Variants in ERC2 observed in about 807,000 individuals in gnomAD.
ERC2 encodes the protein ERC protein 2.
A neutral mutation model predicts 114.8 loss-of-function variants in ERC2; 42 were observed. The observed-to-expected ratio is 0.37, with a 90% CI of 0.29 to 0.47. ERC2 has a LOEUF of 0.47. Ranked by LOEUF, ERC2 falls within the 20% of genes least tolerant of loss-of-function variation. The pLI is 0.99. For synonymous variants in ERC2, 454 were observed against 425.5 expected (o/e 1.07, Z -0.82); for missense variants, 939 against 1,150.7 (o/e 0.82, Z 2.66).
At chr3:56,126,141 G>A (rs2079851307) in intron 6 of ERC2, among the ~76,000 whole-genome samples, 1 of 151,950 alleles carries the variant, frequency 6.6e-6, no homozygotes, top group African/African-American at 2.4e-5. Context: ...AAATATTTTA[G>A]TATAATCTTT....
chr3:56,006,353 TGTGTGCTATGAATTATACATA>T (rs1487457500), intron 10 of ERC2, among the ~76,000 whole-genome samples: 2 of 152,062 alleles, frequency 1.3e-5, no homozygotes, highest in African/African-American at 4.8e-5. Context: ...CCCATCCCGG[TGTGTGCTATGAATTATACATA>T]GTCAAATTGT....
rs112168176 is a variant in ERC2, at chr3:56,371,298, A to C, written c.657+63053T>G. Among the ~76,000 whole-genome samples, 664 of 152,310 alleles carry C rather than the reference A, an allele frequency of 4.4e-3. 4 individuals are homozygous for C. The highest frequency in any genetic ancestry group is 0.015 in the African/African-American group (618 of 41,560). ...TTCTCTATTCTGTGCCCCTACTTCC[A>C]ACTCAGGGCCTAGAAAAGGAAGCCA... is the stretch of plus-strand genomic sequence containing the variant. On this transcript the variant is annotated intron_variant, in intron 2 of 17. Transcript: ENST00000288221.
intron 7 of ERC2, among the ~76,000 whole-genome samples, chr3:56,067,351 G>A (rs2076528904): frequency 6.6e-6 from 1 of 152,054 alleles, no homozygotes; most frequent in African/African-American, 2.4e-5. Flanking sequence ...CTCTCTGCTT[G>A]TCTATTGTTG....
intron 2 of ERC2, among the ~76,000 whole-genome samples, chr3:56,318,985 TAAC>T (rs1286667806): frequency 1.5e-5 from 2 of 135,056 alleles, no homozygotes; most frequent in Admixed American, 7.3e-5. Context: ...AAAAAAAAGA[TAAC>T]AAGTCTTGGT....
chr3:55,778,492 G>C (rs930313687), intron 14 of ERC2, among the ~76,000 whole-genome samples: 1 of 152,076 alleles, frequency 6.6e-6, no homozygotes, highest in Non-Finnish European at 1.5e-5. Context: ...CTTTTCAAAA[G>C]ACAGGAAATC....
chr3:56,020,720 C>T (rs1269515099), intron 7 of ERC2, among the ~76,000 whole-genome samples: 1 of 152,170 alleles, frequency 6.6e-6, no homozygotes, highest in Non-Finnish European at 1.5e-5. Context: ...GTTCTGAATA[C>T]ACTGATTAGA....
chr3:55,625,757 A>G (rs2059498480), intron 17 of ERC2, among the ~76,000 whole-genome samples: 1 of 152,000 alleles, frequency 6.6e-6, no homozygotes, highest in African/African-American at 2.4e-5. Context: ...TCTCAAAAAG[A>G]AAAAAAAGAA....
chr3:56,296,483 T>A (rs764026007), intron 2 of ERC2, 48 bp from the exon 3 acceptor site: 4 of 1,543,160 alleles, frequency 2.6e-6, no homozygotes, highest in Non-Finnish European at 3.5e-6. Flanking sequence ...GGAAAAAAAG[T>A]CAATGAAAAT....
intron 4 of ERC2, among the ~76,000 whole-genome samples, chr3:56,158,169 T>C (rs2081841693): frequency 6.6e-6 from 1 of 152,158 alleles, no homozygotes; most frequent in Non-Finnish European, 1.5e-5. Flanking sequence ...GCAGAATTTT[T>C]AAAGTAGGAC....
chr3:55,910,410 C>CAAAA (rs111948062), intron 13 of ERC2, among the ~76,000 whole-genome samples: 1 of 150,230 alleles, frequency 6.7e-6, no homozygotes, highest in African/African-American at 2.4e-5. Context: ...AACAAAAAAA[C>CAAAA]AAAAAAAACA....
intron 2 of ERC2, among the ~76,000 whole-genome samples, chr3:56,397,617 G>A (rs1421128621): frequency 6.6e-6 from 1 of 152,038 alleles, no homozygotes; most frequent in Non-Finnish European, 1.5e-5. Flanking sequence ...GCATCTTATG[G>A]ATACACCATA....
chr3:56,178,435 A>G (rs906375820), intron 3 of ERC2, among the ~76,000 whole-genome samples: 16 of 152,164 alleles, frequency 1.1e-4, no homozygotes, highest in Non-Finnish European at 2.2e-4. Context: ...AGAAAACTAC[A>G]TGGCCTTTTA....
chr3:56,109,575 T>C (rs1160689342), intron 6 of ERC2, among the ~76,000 whole-genome samples: 1 of 152,158 alleles, frequency 6.6e-6, no homozygotes, highest in African/African-American at 2.4e-5. Context: ...ACACGAATTA[T>C]AGTCCATGCA....
intron 17 of ERC2, among the ~76,000 whole-genome samples, chr3:55,594,269 A>T (rs2058034424): frequency 6.6e-6 from 1 of 152,184 alleles, no homozygotes; most frequent in African/African-American, 2.4e-5. Flanking sequence ...TATCTTTAGG[A>T]TGGAGATAGA....
intron 6 of ERC2, among the ~76,000 whole-genome samples, chr3:56,102,451 GA>G (rs2078413982): frequency 1.3e-5 from 2 of 152,122 alleles, no homozygotes; most frequent in Non-Finnish European, 2.9e-5. Context: ...GGTGAGAACA[GA>G]AAACTGAATC....
chr3:56,077,728 A>G (rs2077041147), intron 7 of ERC2, among the ~76,000 whole-genome samples: 1 of 152,222 alleles, frequency 6.6e-6, no homozygotes, highest in African/African-American at 2.4e-5. Context: ...GTGAAATTAA[A>G]AAAAGGCTTA....
At chr3:56,176,234 A>G (rs2082970874) in intron 3 of ERC2, among the ~76,000 whole-genome samples, 1 of 152,244 alleles carries the variant, frequency 6.6e-6, no homozygotes. Context: ...TTCATACCAT[A>G]ACCAATCCTA....
chr3:56,259,971 C>A (rs894921831), intron 3 of ERC2, among the ~76,000 whole-genome samples: 1 of 152,182 alleles, frequency 6.6e-6, no homozygotes, highest in Non-Finnish European at 1.5e-5. Context: ...CCACCACCAG[C>A]GCTTCCTCAG....
intron 17 of ERC2, among the ~76,000 whole-genome samples, chr3:55,546,020 A>C (rs2107375147): frequency 6.6e-6 from 1 of 152,336 alleles, no homozygotes. Flanking sequence ...AGGAGAGCAG[A>C]AAGTGAGGAC....
Sources: allele counts gnomAD v4.1 joint callset (sites outside exome capture counted in the v4.1 genomes callset), GRCh38; gene constraint gnomAD v4.1.1; transcripts MANE v1.5; gene names NCBI Gene and HGNC (gene_info 2026-07-23, HGNC 2026-07-21).